The following SYCP2L variants were observed in gnomAD, a reference collection of about 807,000 sequenced individuals.
SYCP2L encodes synaptonemal complex protein 2-like.
SYCP2L carries 98 observed loss-of-function variants against 125.8 expected under a neutral mutation model. The ratio of observed to expected loss-of-function variants is 0.78; its 90% CI spans 0.66 to 0.92. The LOEUF is 0.92. Among genes scored for constraint, SYCP2L ranks in the 40% least tolerant of loss-of-function variants. The pLI, the probability that SYCP2L is intolerant of heterozygous loss-of-function variation, is 0.00. For synonymous variants in SYCP2L, 317 were observed against 325.4 expected (o/e 0.97, Z 0.28); for missense variants, 842 against 936.4 (o/e 0.90, Z 1.32).
At chr6:10,964,035 G>A (rs1781636940) in intron 29 of SYCP2L, among the ~76,000 whole-genome samples, 192 bp downstream of exon 29, 1 of 149,712 alleles carries the variant, frequency 6.7e-6, no homozygotes, top group African/African-American at 2.5e-5. Context: ...TCGGCTCACT[G>A]CAAGCTCCGC....
At chr6:10,935,844 C>T (rs1263173620) in intron 21 of SYCP2L, among the ~76,000 whole-genome samples, 4 of 152,072 alleles carry the variant, frequency 2.6e-5, no homozygotes, top group African/African-American at 9.7e-5. Flanking sequence ...AGTTGTTGCA[C>T]AAAATTGGCC....
intron 29 of SYCP2L, among the ~76,000 whole-genome samples, chr6:10,966,273 A>G (rs1478507125): frequency 1.3e-5 from 2 of 152,244 alleles, no homozygotes; most frequent in African/African-American, 4.8e-5. Flanking sequence ...CTACTAATAC[A>G]TTAATTACCA....
chr6:10,965,364 C>T (rs780448209), intron 29 of SYCP2L, among the ~76,000 whole-genome samples: 22 of 152,144 alleles, frequency 1.4e-4, no homozygotes, highest in Non-Finnish European at 2.8e-4. Flanking sequence ...TTGTCTTTTG[C>T]AGTGAGATGG....
chr6:10,897,663 C>T (rs147750622), intron 4 of SYCP2L, among the ~76,000 whole-genome samples: 286 of 152,248 alleles, frequency 1.9e-3, no homozygotes, highest in African/African-American at 6.4e-3. Flanking sequence ...CCACCTGTCT[C>T]GGCCTCTCAA....
At chr6:10,958,896 CA>C in intron 26 of SYCP2L, 21 bp downstream of exon 26, 1 of 1,607,870 alleles carries the variant, frequency 6.2e-7, no homozygotes, top group Non-Finnish European at 8.5e-7. Context: ...GGTTTCAAAA[CA>C]AGGTCGTGGA....
chr6:10,934,195 A>G (rs1781051475), intron 20 of SYCP2L, among the ~76,000 whole-genome samples: 1 of 152,308 alleles, frequency 6.6e-6, no homozygotes, highest in South Asian at 2.1e-4. Flanking sequence ...TTATTAATGT[A>G]TTTAATGAAA....
chr6:10,943,452 C>T (rs966465383), intron 23 of SYCP2L, among the ~76,000 whole-genome samples: 1 of 152,010 alleles, frequency 6.6e-6, no homozygotes, highest in African/African-American at 2.4e-5. Context: ...ACCTGAAACC[C>T]ATCCCACCCC....
rs773905945 is a variant in SYCP2L, at chr6:10,907,670, C to T, written c.805C>T (p.Arg269Ter). 4 of 1,611,586 alleles carry T rather than the reference C, an allele frequency of 2.5e-6. No homozygotes were observed. Among genetic ancestry groups the T allele is most frequent in the African/African-American group, 2.7e-5 (2 of 74,746 alleles). ...IAEAFKEIKD[R>*]EFETDSRRFL... is the part of the protein sequence containing the mutation. Reference sequence around the variant, plus strand: ...TGAAGCTTTCAAAGAAATTAAGGATCGAGAATTTGAGACGGTGAGATTCCT... The same window carrying T: ...TGAAGCTTTCAAAGAAATTAAGGATTGAGAATTTGAGACGGTGAGATTCCT... The change falls in exon 10 of 30, where the codon CGA (arginine) becomes TGA (stop). Residue 269 changes from arginine (R) to a stop codon, truncating the protein, a stop_gained. Coordinates refer to ENST00000283141, the MANE Select transcript of SYCP2L (RefSeq NM_001040274.3). LOFTEE classifies it high-confidence loss of function.
At chr6:10,971,031 T>C (rs1254093814) in intron 29 of SYCP2L, among the ~76,000 whole-genome samples, 1 of 152,214 alleles carries the variant, frequency 6.6e-6, no homozygotes, top group East Asian at 1.9e-4. Context: ...AGTTTGCATG[T>C]ATTTATGTAC....
chr6:10,959,619 C>T (rs548949315), intron 26 of SYCP2L, among the ~76,000 whole-genome samples: 15 of 152,160 alleles, frequency 9.9e-5, no homozygotes, highest in Middle Eastern at 3.4e-3. Context: ...CCTGTAATCC[C>T]GGTACTTTGG....
chr6:10,906,569 A>G (rs978072940), intron 9 of SYCP2L, among the ~76,000 whole-genome samples: 7 of 151,658 alleles, frequency 4.6e-5, no homozygotes, highest in Admixed American at 6.6e-5. Context: ...AAATACTACA[A>G]GTTATTTTGG....
intron 29 of SYCP2L, among the ~76,000 whole-genome samples, chr6:10,965,991 T>A (rs1181159416): frequency 6.6e-6 from 1 of 152,124 alleles, no homozygotes; most frequent in Non-Finnish European, 1.5e-5. Flanking sequence ...TGGGCAACTG[T>A]TATCCCAGCT....
intron 8 of SYCP2L, among the ~76,000 whole-genome samples, chr6:10,905,816 C>T (rs1780479403): frequency 6.6e-6 from 1 of 152,132 alleles, no homozygotes; most frequent in Non-Finnish European, 1.5e-5. Context: ...GTTCTAGCAT[C>T]TTAAAAAATA....
chr6:10,905,208 CTGAG>C (rs983017543), intron 8 of SYCP2L, among the ~76,000 whole-genome samples: 14 of 145,970 alleles, frequency 9.6e-5, no homozygotes, highest in African/African-American at 3.3e-4. Flanking sequence ...ATTTGAAATT[CTGAG>C]TGAATATACA....
chr6:10,888,396 T>A (rs2113275060), intron 1 of SYCP2L, among the ~76,000 whole-genome samples: 1 of 151,928 alleles, frequency 6.6e-6, no homozygotes, highest in Non-Finnish European at 1.5e-5. Flanking sequence ...CGCCCGGCTA[T>A]CATCATGTTT....
At chr6:10,914,550 A>G (rs941331237) in intron 14 of SYCP2L, among the ~76,000 whole-genome samples, 1 of 151,938 alleles carries the variant, frequency 6.6e-6, no homozygotes, top group African/African-American at 2.4e-5. Flanking sequence ...AATGATGGTG[A>G]TATTTTACTG....
At position 10,926,481 on chromosome 6, in the gene SYCP2L, G is replaced by A. The variant is rs752837884; in HGVS notation, c.1312+49G>A. On this transcript the variant is annotated intron_variant, in intron 16 of 29. Coordinates refer to ENST00000283141, the MANE Select transcript of SYCP2L (RefSeq NM_001040274.3). Reference sequence around the variant, plus strand: ...CTGACCCTGAGTTTTCTGTAAAAGCGATGAAACCTTAGTTGGAAGAGGTCA... The same window carrying A: ...CTGACCCTGAGTTTTCTGTAAAAGCAATGAAACCTTAGTTGGAAGAGGTCA... The A allele has an allele frequency of 6.9e-6, 10 of 1,448,814 alleles. No homozygotes were observed. In the South Asian group the frequency reaches 8.1e-5, roughly 12 times the overall value. 89.7% of individuals were successfully genotyped at this position (1,448,814 alleles called of 1,614,324 possible). A position where few individuals can be genotyped will look rare whatever the true frequency, so the allele number is the denominator to read the frequency against.
intron 28 of SYCP2L, 107 bp downstream of exon 28, chr6:10,961,665 A>G: frequency 9.0e-7 from 1 of 1,112,722 alleles, no homozygotes; most frequent in South Asian, 1.4e-5. Context: ...TAACTAATGA[A>G]ATAGCTGCAT....
intron 14 of SYCP2L, among the ~76,000 whole-genome samples, chr6:10,914,849 C>G (rs536634231): frequency 6.7e-6 from 1 of 149,464 alleles, no homozygotes; most frequent in Non-Finnish European, 1.5e-5. Flanking sequence ...TGGGTTCAAG[C>G]GATTCTCCTG....
Sources: allele counts gnomAD v4.1 joint callset (sites outside exome capture counted in the v4.1 genomes callset), GRCh38; gene constraint gnomAD v4.1.1; transcripts MANE v1.5; gene names NCBI Gene and HGNC (gene_info 2026-07-23, HGNC 2026-07-21).